Variants in LRP1B observed in about 807,000 individuals in gnomAD.
The protein encoded by LRP1B is low-density lipoprotein receptor-related protein 1B.
LRP1B carries 217 observed loss-of-function variants against 556.6 expected under a neutral mutation model. The observed-to-expected ratio is 0.39, with a 90% CI of 0.35 to 0.44. The LOEUF (loss-of-function observed/expected upper bound fraction) is 0.44, where lower values mean the gene tolerates loss of function less well. LRP1B is among the 20% of genes least tolerant of loss of function. LRP1B has a pLI of 1.00. For missense variants in LRP1B, 5,053 were observed against 5,620.8 expected, an observed-to-expected ratio of 0.90 and a Z score of 3.23; for synonymous variants, 2,047 against 1,865.8, an observed-to-expected ratio of 1.10 and a Z score of -2.50.
chr2:140,704,770 T>C lies in LRP1B; in HGVS notation c.6024-2217A>G, dbSNP rs117526116. On this transcript the variant is annotated intron_variant, in intron 37 of 90. Coordinates refer to ENST00000389484, the MANE Select transcript of LRP1B (RefSeq NM_018557.3). ...CCTGTCTAATCTGATTCTTATCATC[T>C]ATTTTTAACATATTCCAAAGTTCAC... Among the ~76,000 whole-genome samples the C allele has an allele frequency of 2.0e-3, 306 of 152,258 alleles. 5 individuals are homozygous for C. In the East Asian group the frequency reaches 0.05, roughly 25 times the overall value.
At chr2:140,514,153 G>A (rs984756035) in intron 51 of LRP1B, among the ~76,000 whole-genome samples, 3 of 151,842 alleles carry the variant, frequency 2.0e-5, no homozygotes, top group African/African-American at 7.3e-5. Flanking sequence ...ACATTTTAAA[G>A]TGCATTTTAA....
chr2:140,356,305 A>T (rs2105129498), intron 75 of LRP1B, 37 bp downstream of exon 75: 7 of 1,602,918 alleles, frequency 4.4e-6, no homozygotes, highest in Non-Finnish European at 6.0e-6. Context: ...CATAACCCAA[A>T]GATTTATGAG....
rs190613519 is a variant in LRP1B at position 141,619,466 on chromosome 2, G to C, written c.206-138933C>G. On this transcript the variant is annotated intron_variant, in intron 2 of 90. Transcript: ENST00000389484. ...GTAGGATCTGGAGGAAATGATATTT[G>C]ATTGGATGAAGGGAAGAGAAGAAAA... 1.8e-3 allele frequency among the ~76,000 whole-genome samples: 269 copies of C among 152,286 alleles called. 2 individuals are homozygous for C. Among genetic ancestry groups the C allele is most frequent in the African/African-American group, 5.9e-3 (245 of 41,562 alleles).
intron 23 of LRP1B, among the ~76,000 whole-genome samples, chr2:140,889,124 G>T (rs1180030889): frequency 6.6e-6 from 1 of 152,194 alleles, no homozygotes; most frequent in Non-Finnish European, 1.5e-5. Context: ...ACTGCTGCCA[G>T]TCCACAGACT....
chr2:140,626,857 A>G (rs1683681742), intron 41 of LRP1B, among the ~76,000 whole-genome samples: 1 of 152,280 alleles, frequency 6.6e-6, no homozygotes, highest in Non-Finnish European at 1.5e-5. Context: ...TTTAAATGCA[A>G]TATATGAATA....
intron 2 of LRP1B, among the ~76,000 whole-genome samples, chr2:141,546,326 G>T (rs996565418): frequency 1.3e-5 from 2 of 152,100 alleles, no homozygotes; most frequent in Non-Finnish European, 2.9e-5. Flanking sequence ...GGAATAATTT[G>T]CTCATGGTCA....
At chr2:141,014,140 G>A (rs1697834836) in intron 13 of LRP1B, among the ~76,000 whole-genome samples, 2 of 152,150 alleles carry the variant, frequency 1.3e-5, no homozygotes, top group East Asian at 1.9e-4. Flanking sequence ...GAATAATCAT[G>A]TGTATTACAA....
intron 1 of LRP1B, among the ~76,000 whole-genome samples, chr2:141,909,951 T>C (rs1284380145): frequency 2.6e-5 from 4 of 152,052 alleles, no homozygotes; most frequent in Non-Finnish European, 5.9e-5. Context: ...TAACTACACC[T>C]TTTCCATCTA....
rs752565610 is a variant in LRP1B at position 141,480,507 on chromosome 2, G to C, written c.232C>G (p.Pro78Ala). 3 of 1,613,726 alleles carry C rather than the reference G, an allele frequency of 1.9e-6. No homozygotes were observed. The highest frequency in any genetic ancestry group is 2.2e-5 in the South Asian group (2 of 91,078). ...CCAAGGCAAGCAATGTGATTCAAGGGGCACTTGATTTCTACCTCCTCGGGA... is the reference window on the plus strand; with the variant it reads ...CCAAGGCAAGCAATGTGATTCAAGGCGCACTTGATTTCTACCTCCTCGGGA... ...TCPEEVEIKC[P>A]LNHIACLGTN... Residue 78 changes from proline to alanine, a missense_variant, in exon 3 of 91, where the codon CCC becomes GCC. Physicochemically the swap from Pro to Ala is conservative, Grantham distance 27. Around this residue, in one of 5 missense-constraint regions of LRP1B, gnomAD observed 3,619 missense variants for 3,931.9 expected, o/e 0.92. Transcript: ENST00000389484.
At chr2:141,148,274 G>A (rs1036102953) in intron 7 of LRP1B, among the ~76,000 whole-genome samples, 5 of 152,168 alleles carry the variant, frequency 3.3e-5, no homozygotes, top group African/African-American at 1.2e-4. Flanking sequence ...GATACATGCT[G>A]ATCTTTATGC....
At chr2:140,524,373 G>C (rs1352006506) in intron 49 of LRP1B, among the ~76,000 whole-genome samples, 1 of 151,844 alleles carries the variant, frequency 6.6e-6, no homozygotes. Context: ...ACTGTTGATC[G>C]GAGTGTAAAT....
chr2:140,256,901 A>T (rs1274480175), intron 86 of LRP1B, among the ~76,000 whole-genome samples: 2 of 151,950 alleles, frequency 1.3e-5, no homozygotes, highest in African/African-American at 4.8e-5. Flanking sequence ...AAATAATATT[A>T]TGAATATTAA....
At chr2:140,622,804 T>A (rs923279592) in intron 41 of LRP1B, among the ~76,000 whole-genome samples, 6 of 152,232 alleles carry the variant, frequency 3.9e-5, no homozygotes, top group Non-Finnish European at 8.8e-5. Flanking sequence ...TAATCAGTTC[T>A]GTATTTGATC....
chr2:140,466,755 A>T (rs1469489800), intron 60 of LRP1B, among the ~76,000 whole-genome samples: 2 of 152,220 alleles, frequency 1.3e-5, no homozygotes, highest in Non-Finnish European at 2.9e-5. Flanking sequence ...GAAAAAAACA[A>T]TTTATTGGAA....
chr2:141,484,660 C>T (rs1043658903), intron 2 of LRP1B, among the ~76,000 whole-genome samples: 1 of 151,988 alleles, frequency 6.6e-6, no homozygotes, highest in African/African-American at 2.4e-5. Flanking sequence ...TTGTAGTTCT[C>T]CTTGAAGAGG....
At chr2:140,658,767 C>G (rs1684979597) in intron 41 of LRP1B, among the ~76,000 whole-genome samples, 1 of 151,978 alleles carries the variant, frequency 6.6e-6, no homozygotes, top group African/African-American at 2.4e-5. Context: ...TCTGTATGAA[C>G]CTTCAGTGAA....
At chr2:142,012,156 C>A (rs1056154638) in intron 1 of LRP1B, among the ~76,000 whole-genome samples, 1 of 151,870 alleles carries the variant, frequency 6.6e-6, no homozygotes, top group South Asian at 2.1e-4. Flanking sequence ...ATTTTTAAAA[C>A]CTTTATTTTT....
chr2:141,328,021 T>G (rs184261238), intron 3 of LRP1B, among the ~76,000 whole-genome samples: 95 of 152,282 alleles, frequency 6.2e-4, no homozygotes, highest in Non-Finnish European at 1.3e-3. Flanking sequence ...GACTTCCAGA[T>G]AAGTAAGATA....
At chr2:141,646,124 C>T (rs1001962100) in intron 2 of LRP1B, among the ~76,000 whole-genome samples, 2 of 152,084 alleles carry the variant, frequency 1.3e-5, no homozygotes, top group African/African-American at 2.4e-5. Context: ...ATTTCTTCTC[C>T]CAGTTCCTAT....
Sources: gnomAD v4.1 joint callset for allele counts (sites outside exome capture counted in the v4.1 genomes callset) on GRCh38, gnomAD v4.1.1 for gene constraint, gnomAD v4.1.1 regional missense constraint, MANE v1.5 for transcripts, NCBI Gene and HGNC (gene_info 2026-07-23, HGNC 2026-07-21) for gene names.